Variants in WNK1 observed in about 807,000 individuals in gnomAD.
The protein encoded by WNK1 is WNK lysine deficient protein kinase 1, also known as serine/threonine-protein kinase WNK1.
WNK1 carries 38 observed loss-of-function variants against 222.8 expected under a neutral mutation model. The observed-to-expected ratio is 0.17, with a 90% confidence interval of 0.13 to 0.22. WNK1 has a LOEUF of 0.22. Ranked by LOEUF, WNK1 falls within the 10% of genes least tolerant of loss-of-function variation. The probability of loss-of-function intolerance (pLI) is 1.00; values close to 1 mark genes in which losing one functional copy is unlikely to be tolerated. For missense variants in WNK1, 2,348 were observed against 2,918.4 expected (o/e 0.80, Z 4.50); for synonymous variants, 1,090 against 1,092.9 (o/e 1.00, Z 0.05).
At chr12:904,428 C>T (rs1955530966) in intron 26 of WNK1, 4 of 1,288,216 alleles carry the variant, frequency 3.1e-6, no homozygotes, top group Non-Finnish European at 4.0e-6. Context: ...ATCTTTAACA[C>T]ATTGCTTCTC....
chr12:765,847 T>C (rs1045607990), intron 1 of WNK1, among the ~76,000 whole-genome samples: 1 of 152,202 alleles, frequency 6.6e-6, no homozygotes, highest in Non-Finnish European at 1.5e-5. Flanking sequence ...TTAAAGTATA[T>C]AGAGTGTTGT....
rs368270119 is a variant in WNK1, at chr12:884,635, G to A, written c.3845-14G>A. On this transcript the variant is annotated splice_polypyrimidine_tract_variant and intron_variant, in intron 18 of 27. Transcript: ENST00000315939. This position sits in a 1 kb window ranked among gnomAD's most constrained non-coding sequence, Gnocchi z 5.6. ...AAAATCAGCTGATTCTTATCTTTTT[G>A]TATTCCTTTGCAGTTGCTGCCTCTA... 5.0e-6 allele frequency: 8 copies of A among 1,610,758 alleles called. No individual in the cohort carries two copies. The highest frequency in any genetic ancestry group is 2.2e-5 in the East Asian group (1 of 44,868).
At chr12:870,166 A>G (rs1049715687) in intron 8 of WNK1, among the ~76,000 whole-genome samples, 9 of 152,084 alleles carry the variant, frequency 5.9e-5, no homozygotes, top group African/African-American at 1.9e-4. Flanking sequence ...AGCATAAACA[A>G]CTCCCAAAAT....
intron 1 of WNK1, among the ~76,000 whole-genome samples, chr12:785,590 G>A (rs990192311): frequency 6.6e-6 from 1 of 151,924 alleles, no homozygotes; most frequent in Non-Finnish European, 1.5e-5. Context: ...GTAGAGACGG[G>A]GTTTCACCGT....
intron 2 of WNK1, among the ~76,000 whole-genome samples, chr12:825,939 A>G (rs1948326915): frequency 6.6e-6 from 1 of 152,160 alleles, no homozygotes. Context: ...CCCCAGATGT[A>G]TCTTTTCTAC....
intron 4 of WNK1, among the ~76,000 whole-genome samples, chr12:840,484 A>G (rs753576113): frequency 7.2e-5 from 11 of 152,130 alleles, no homozygotes; most frequent in Non-Finnish European, 1.6e-4. Context: ...AGTATTTTGT[A>G]TGATACGAAA....
At chr12:824,504 T>C (rs953533321) in intron 2 of WNK1, among the ~76,000 whole-genome samples, 1 of 152,108 alleles carries the variant, frequency 6.6e-6, no homozygotes, top group African/African-American at 2.4e-5. Flanking sequence ...TGAATCATAA[T>C]ATATGTGTAA....
rs1380238348 is a variant in WNK1 at position 896,314 on chromosome 12, G to A, written c.5827G>A (p.Val1943Ile). ...GTCAGACACTGGGCAGCCTACCAAGGTTGGACGTTTTCAGGTGACAACTAC... is the reference window on the plus strand; with the variant it reads ...GTCAGACACTGGGCAGCCTACCAAGATTGGACGTTTTCAGGTGACAACTAC... ...AKSDTGQPTK[V>I]GRFQVTTTAN... Residue 1943 changes from valine (V) to isoleucine (I), a missense_variant, in exon 24 of 28, where the codon GTT (valine) becomes ATT (isoleucine). By Grantham distance (29) the Val-to-Ile change is conservative. Coordinates refer to ENST00000315939, the MANE Select transcript of WNK1 (RefSeq NM_018979.4). 1 of 1,614,162 alleles carries A rather than the reference G, an allele frequency of 6.2e-7. No individual in the cohort carries two copies. The highest frequency in any genetic ancestry group is 1.7e-5 in the Admixed American group (1 of 60,020).
At chr12:844,027 T>C (rs896986539) in intron 4 of WNK1, among the ~76,000 whole-genome samples, 2 of 149,356 alleles carry the variant, frequency 1.3e-5, no homozygotes, top group African/African-American at 5.2e-5. Flanking sequence ...TAAGTAGCAT[T>C]ATAAGTAACC....
chr12:864,729 T>C (rs116504778), intron 8 of WNK1, among the ~76,000 whole-genome samples: 225 of 152,352 alleles, frequency 1.5e-3, no homozygotes, highest in African/African-American at 5.2e-3. Flanking sequence ...TTCATTCTTG[T>C]TGAATCTTAA....
rs2121032452 is a variant in WNK1 at position 754,030 on chromosome 12, T to C, written c.465T>C (p.Thr155=). Residue 155 remains threonine (T), a synonymous_variant, in exon 1 of 28, where the codon ACT becomes ACC. Coordinates refer to ENST00000315939, the MANE Select transcript of WNK1 (RefSeq NM_018979.4). ...CCGTCGCGGGCCCTGCCCCCTCGAC[T>C]GTCCCCAGCAGTACCAGCAAAGACC... is the stretch of plus-strand genomic sequence containing the variant. The part of the protein sequence containing the change: ...EQAVAGPAPS[T]VPSSTSKDRP... 5 of 1,591,640 alleles carry C rather than the reference T, an allele frequency of 3.1e-6. No individual in the cohort carries two copies. The highest frequency in any genetic ancestry group is 4.3e-6 in the Non-Finnish European group (5 of 1,169,398).
intron 9 of WNK1, among the ~76,000 whole-genome samples, chr12:874,476 G>A (rs1029286456): frequency 6.6e-6 from 1 of 152,112 alleles, no homozygotes; most frequent in African/African-American, 2.4e-5. Flanking sequence ...CCTCTCAGTT[G>A]TCTTAAGCAA....
In WNK1 at chr12:885,385, C is replaced by G. The variant is rs1301406929; in HGVS notation, c.4581C>G (p.His1527Gln). 1 of 1,613,662 alleles carries G rather than the reference C, an allele frequency of 6.2e-7. No homozygotes were observed. Among genetic ancestry groups the G allele is most frequent in the Non-Finnish European group, 8.5e-7 (1 of 1,180,044 alleles). Residue 1527 changes from histidine to glutamine, a missense_variant, in exon 19 of 28, where the codon CAC (histidine) becomes CAG (glutamine). Physicochemically the swap from His to Gln is conservative, Grantham distance 24. This residue lies in a region of WNK1 where 1,144 missense variants were observed against 1,273.6 expected (regional missense o/e 0.90). Coordinates refer to ENST00000315939, the MANE Select transcript of WNK1 (RefSeq NM_018979.4). ...CTGAAACCGTGGTAGTTAGCGCACA[C>G]TCACTAGATAAGACATCTCATAGCA... ...TLAETVVVSA[H>Q]SLDKTSHSST...
At chr12:849,268 G>GTAC (rs1950246305) in intron 4 of WNK1, among the ~76,000 whole-genome samples, 1 of 152,164 alleles carries the variant, frequency 6.6e-6, no homozygotes, top group Non-Finnish European at 1.5e-5. Context: ...ATTATCTTAT[G>GTAC]TACTGTTGGT....
chr12:877,008 A>G (rs1407915752), intron 9 of WNK1, among the ~76,000 whole-genome samples: 3 of 151,642 alleles, frequency 2.0e-5, no homozygotes, highest in Non-Finnish European at 4.4e-5. Context: ...AAGAAAAAAT[A>G]TAAATTAGGT....
At position 871,249 on chromosome 12, in the gene WNK1, C is replaced by G. The variant is rs1338813397; in HGVS notation, c.2140-16C>G. On this transcript the variant is annotated splice_polypyrimidine_tract_variant and intron_variant, in intron 8 of 27. Transcript: ENST00000315939. ...TAGGCCTTCTCTAATTTGTTGTGTT[C>G]ACTTCTTTCCTTCAGGCACAGGGGC... 1.2e-6 allele frequency: 2 copies of G among 1,613,332 alleles called. No homozygotes were observed. The highest frequency in any genetic ancestry group is 2.2e-5 in the East Asian group (1 of 44,890).
chr12:766,816 G>A (rs564666281), intron 1 of WNK1, among the ~76,000 whole-genome samples: 540 of 139,446 alleles, frequency 3.9e-3, no homozygotes, highest in Non-Finnish European at 5.8e-3. Context: ...TTGCTCTGTC[G>A]CCCAGGCTGG....
At position 869,025 on chromosome 12, in the gene WNK1, T is replaced by C. The variant is rs778211971; in HGVS notation, c.2140-2240T>C. ...GTGTTACAAGAATCCCCACTTTTCT[T>C]CTGTTTCCCCCAAGGAACCACATCT... On this transcript the variant is annotated intron_variant, in intron 8 of 27. Coordinates refer to ENST00000315939, the MANE Select transcript of WNK1 (RefSeq NM_018979.4). The C allele has an allele frequency of 4.3e-6, 7 of 1,611,766 alleles. No individual in the cohort carries two copies. The South Asian group carries it at 7.7e-5, about 18-fold the overall frequency.
chr12:758,931 C>T lies in WNK1; in HGVS notation c.759+4607C>T, dbSNP rs938270036. Among the ~76,000 whole-genome samples the T allele has an allele frequency of 1.8e-4, 26 of 147,228 alleles. 3 individuals are homozygous for T. The highest frequency in any genetic ancestry group is 4.5e-5 in the Non-Finnish European group (3 of 66,022). On this transcript the variant is annotated intron_variant, in intron 1 of 27. Coordinates refer to ENST00000315939, the MANE Select transcript of WNK1 (RefSeq NM_018979.4). The stretch of plus-strand genomic sequence containing the variant: ...ATTGTTGCTTTGTGACAATTCATTT[C>T]TTGACATTCAAATTCTGATGCAAGA...
Sources: allele counts gnomAD v4.1 joint callset (sites outside exome capture counted in the v4.1 genomes callset), GRCh38; gene constraint gnomAD v4.1.1; regional missense constraint gnomAD v4.1.1; non-coding constraint Gnocchi (gnomAD v3.1); transcripts MANE v1.5; gene names NCBI Gene and HGNC (gene_info 2026-07-23, HGNC 2026-07-21).